Variants in TBL1XR1 observed in about 807,000 individuals in gnomAD.
TBL1XR1 encodes TBL1X/Y related 1.
A neutral mutation model predicts 66.9 loss-of-function variants in TBL1XR1; 5 were observed. The ratio of observed to expected loss-of-function variants is 0.07; its 90% CI spans 0.04 to 0.16. The LOEUF is 0.16. Among genes scored for constraint, TBL1XR1 ranks in the 10% least tolerant of loss-of-function variants. The probability of loss-of-function intolerance (pLI) is 1.00; values close to 1 mark genes in which losing one functional copy is unlikely to be tolerated. For synonymous variants in TBL1XR1, 210 were observed against 206.0 expected, an observed-to-expected ratio of 1.02 and a Z score of -0.17; for missense variants, 238 against 623.2, an observed-to-expected ratio of 0.38 and a Z score of 6.58.
intron 1 of TBL1XR1, among the ~76,000 whole-genome samples, chr3:177,112,775 C>T (rs1022944062): frequency 2.3e-4 from 35 of 152,100 alleles, no homozygotes; most frequent in Admixed American, 8.5e-4. Context: ...GAGGCTGAGG[C>T]GGGCGGATCA....
chr3:177,076,458 G>T (rs1347184621), intron 2 of TBL1XR1, among the ~76,000 whole-genome samples: 1 of 152,114 alleles, frequency 6.6e-6, no homozygotes, highest in Non-Finnish European at 1.5e-5. Flanking sequence ...TTTAACTTAA[G>T]TATCTCTATA....
In TBL1XR1 at chr3:177,121,789, C is replaced by T. The variant is rs184317074; in HGVS notation, c.-121-23248G>A. On this transcript the variant is annotated intron_variant, in intron 1 of 15. Coordinates refer to ENST00000457928, the MANE Select transcript of TBL1XR1 (RefSeq NM_024665.7). ...GAAGGCAAGCCTGTTTCCATTAAGG[C>T]TACCTTCATGTCTGACACGTTTAGA... Among the ~76,000 whole-genome samples, 7 of 152,134 alleles carry T rather than the reference C, an allele frequency of 4.6e-5. No individual in the cohort carries two copies. In the East Asian group the frequency reaches 1.4e-3, roughly 29 times the overall value.
At chr3:177,116,259 C>CA (rs1726297114) in intron 1 of TBL1XR1, among the ~76,000 whole-genome samples, 1 of 152,222 alleles carries the variant, frequency 6.6e-6, no homozygotes, top group African/African-American at 2.4e-5. Context: ...ATTCATCTCC[C>CA]ACCCCAAACT....
intron 1 of TBL1XR1, among the ~76,000 whole-genome samples, chr3:177,171,111 C>A (rs1733434624): frequency 6.6e-6 from 1 of 152,012 alleles, no homozygotes; most frequent in South Asian, 2.1e-4. Context: ...AAGGCCGAGG[C>A]GAGCGGATCA....
At chr3:177,077,178 T>C (rs963832291) in intron 2 of TBL1XR1, among the ~76,000 whole-genome samples, 1 of 152,212 alleles carries the variant, frequency 6.6e-6, no homozygotes, top group South Asian at 2.1e-4. Context: ...AACAGTACTT[T>C]CGCTGCATAC....
intron 3 of TBL1XR1, among the ~76,000 whole-genome samples, chr3:177,055,841 C>T (rs1250398566): frequency 1.3e-5 from 2 of 152,108 alleles, no homozygotes; most frequent in Non-Finnish European, 2.9e-5. Context: ...AAGAAAACTT[C>T]AAGACAGAAG....
At chr3:177,198,935 C>G (rs1411131291), upstream of TBL1XR1, among the ~76,000 whole-genome samples, 1 of 151,596 alleles carries the variant, frequency 6.6e-6, no homozygotes, top group Non-Finnish European at 1.5e-5. Context: ...AGTCTGGACT[C>G]CTGGTGGCCT....
intron 2 of TBL1XR1, among the ~76,000 whole-genome samples, chr3:177,089,631 C>G (rs1036951975): frequency 6.6e-6 from 1 of 152,128 alleles, no homozygotes; most frequent in African/African-American, 2.4e-5. Flanking sequence ...AGAATCAAAC[C>G]TAAGAGAACT....
At chr3:177,196,637 C>T (rs1184838182) in intron 1 of TBL1XR1, among the ~76,000 whole-genome samples, 2 of 151,492 alleles carry the variant, frequency 1.3e-5, no homozygotes. Flanking sequence ...TAGCATGCAC[C>T]GAAAAGCTCC....
intron 12 of TBL1XR1, among the ~76,000 whole-genome samples, chr3:177,035,627 T>G (rs1269778336): frequency 6.6e-6 from 1 of 152,178 alleles, no homozygotes; most frequent in South Asian, 2.1e-4. Context: ...TTGACCAGCC[T>G]GGTCTTGAAC....
At chr3:177,187,003 A>C (rs1359377541) in intron 1 of TBL1XR1, among the ~76,000 whole-genome samples, 1 of 151,986 alleles carries the variant, frequency 6.6e-6, no homozygotes, top group Non-Finnish European at 1.5e-5. Context: ...CGTCTCTCCT[A>C]AAAACACAAA....
intron 3 of TBL1XR1, among the ~76,000 whole-genome samples, chr3:177,059,656 C>T (rs989588389): frequency 6.6e-6 from 1 of 152,068 alleles, no homozygotes; most frequent in Non-Finnish European, 1.5e-5. Context: ...CTTCATAAAC[C>T]AAACTCTTGA....
intron 1 of TBL1XR1, among the ~76,000 whole-genome samples, chr3:177,114,993 T>A (rs559994222): frequency 0.038 from 5,244 of 136,468 alleles, 189 homozygotes; most frequent in African/African-American, 0.087. Flanking sequence ...GGGAAAAAAA[T>A]AATAATAATA....
At position 177,128,767 on chromosome 3, in the gene TBL1XR1, A is replaced by G. The variant is rs184558632; in HGVS notation, c.-121-30226T>C. ...GGGGCATTTTCACACAACTCTCTAA[A>G]GCTTCTAACATTTTATCCTTGAATG... On this transcript the variant is annotated intron_variant, in intron 1 of 15. Coordinates refer to ENST00000457928, the MANE Select transcript of TBL1XR1 (RefSeq NM_024665.7). 2.7e-3 allele frequency among the ~76,000 whole-genome samples: 405 copies of G among 152,362 alleles called. 9 individuals carry two copies. Among genetic ancestry groups the G allele is most frequent in the Non-Finnish European group, 2.6e-4 (18 of 68,034 alleles).
chr3:177,185,484 C>A (rs1184817224), intron 1 of TBL1XR1, among the ~76,000 whole-genome samples: 5 of 151,972 alleles, frequency 3.3e-5, no homozygotes, highest in Non-Finnish European at 7.4e-5. Flanking sequence ...GTGGCATGAG[C>A]CTGTCCCAGC....
intron 7 of TBL1XR1, among the ~76,000 whole-genome samples, chr3:177,049,327 CA>C (rs1184566586): frequency 4.6e-5 from 7 of 151,934 alleles, no homozygotes; most frequent in Admixed American, 3.3e-4. Context: ...GGGGGAGGGG[CA>C]GGGGGTAGCG....
chr3:177,042,081 A>C (rs1272072768), intron 10 of TBL1XR1, among the ~76,000 whole-genome samples: 1 of 152,164 alleles, frequency 6.6e-6, no homozygotes, highest in African/African-American at 2.4e-5. Flanking sequence ...TCTAGTTTAC[A>C]CGTCGTTTTC....
chr3:177,107,537 G>C (rs576610390), intron 1 of TBL1XR1, among the ~76,000 whole-genome samples: 26 of 152,256 alleles, frequency 1.7e-4, no homozygotes, highest in African/African-American at 6.0e-4. Context: ...TCTGGAGAAT[G>C]CCAAGTTCTC....
chr3:177,100,274 T>C (rs1051704309), intron 1 of TBL1XR1, among the ~76,000 whole-genome samples: 14 of 152,160 alleles, frequency 9.2e-5, no homozygotes, highest in African/African-American at 2.2e-4. Context: ...AAGTAAAAGA[T>C]AGATAAATTA....
Sources: gnomAD v4.1 joint callset for allele counts (sites outside exome capture counted in the v4.1 genomes callset) on GRCh38, gnomAD v4.1.1 for gene constraint, MANE v1.5 for transcripts, NCBI Gene and HGNC (gene_info 2026-07-23, HGNC 2026-07-21) for gene names.